Variants in CFAP74 observed in about 807,000 individuals in gnomAD.
The protein encoded by CFAP74 is cilia and flagella associated protein 74, also known as cilia- and flagella-associated protein 74.
A neutral mutation model predicts 188.9 loss-of-function variants in CFAP74; 124 were observed. The observed-to-expected ratio is 0.66, with a 90% CI of 0.57 to 0.76. CFAP74 has a LOEUF of 0.76. CFAP74 is among the 30% of genes least tolerant of loss of function. The pLI, the probability that CFAP74 is intolerant of heterozygous loss-of-function variation, is 0.00. For synonymous variants in CFAP74, 956 were observed against 916.7 expected (o/e 1.04, Z -0.77); for missense variants, 2,198 against 2,165.2 (o/e 1.02, Z -0.30).
At chr1:1,972,900 T>C (rs370906242) in intron 8 of CFAP74, 37 bp downstream of exon 8, 1,280 of 1,315,022 alleles carry the variant, frequency 9.7e-4, no homozygotes, top group Non-Finnish European at 1.3e-3. Context: ...CCCGTATTCT[T>C]GGGTTTCTCC....
intron 18 of CFAP74, among the ~76,000 whole-genome samples, chr1:1,953,105 G>C (rs933681338): frequency 6.6e-6 from 1 of 152,074 alleles, no homozygotes; most frequent in Non-Finnish European, 1.5e-5. Flanking sequence ...ACTATCCTGA[G>C]GCCCTAATGC....
Position 2,000,895 on chromosome 1 carries a change from T to C in CFAP74, c.-20+2806A>G, listed in dbSNP as rs1658173081. Among the ~76,000 whole-genome samples, 11 of 152,256 alleles carry C rather than the reference T, an allele frequency of 7.2e-5. No homozygotes were observed. In the South Asian group the frequency reaches 2.3e-3, roughly 32 times the overall value. On this transcript the variant is annotated intron_variant, in intron 1 of 38. Transcript: ENST00000682832. The stretch of plus-strand genomic sequence containing the variant: ...CGGTGCCACTGTGTGGATGAATCTC[T>C]CGCACAACCCCGAGGAGAAAAAGAC...
chr1:1,991,961 A>G (rs571140505), intron 1 of CFAP74, among the ~76,000 whole-genome samples: 1 of 150,578 alleles, frequency 6.6e-6, no homozygotes, highest in East Asian at 2.0e-4. Context: ...AATGGTGTGA[A>G]CCCAGGAGGC....
intron 1 of CFAP74, among the ~76,000 whole-genome samples, chr1:1,992,342 T>C (rs372025910): frequency 7.2e-5 from 11 of 152,238 alleles, no homozygotes; most frequent in African/African-American, 2.4e-4. Context: ...TTTCAAATTA[T>C]TGGTTGAGAT....
intron 13 of CFAP74, 114 bp from the exon 14 acceptor site, chr1:1,963,981 G>T: frequency 1.4e-6 from 1 of 728,342 alleles, no homozygotes. Flanking sequence ...ACTAGGGAGA[G>T]GTTCCCAGGG....
At position 1,972,933 on chromosome 1, in the gene CFAP74, C is replaced by T. The variant is rs1656192179; in HGVS notation, c.785+4G>A. The T allele has an allele frequency of 6.2e-7, 1 of 1,606,906 alleles. No individual in the cohort carries two copies. Among genetic ancestry groups the T allele is most frequent in the South Asian group, 1.1e-5 (1 of 90,872 alleles). On this transcript the variant is annotated splice_donor_region_variant and intron_variant, in intron 8 of 38. Coordinates refer to ENST00000682832, the MANE Select transcript of CFAP74 (RefSeq NM_001304360.2). ...TCCTTAAGGACGTCGAAGGGAGGCC[C>T]TACCTTCCCAGGGAGGCCTTCAGGA...
At chr1:1,934,755 T>C (rs1389401019) in intron 25 of CFAP74, among the ~76,000 whole-genome samples, 31 of 136,764 alleles carry the variant, frequency 2.3e-4, no homozygotes, top group African/African-American at 6.2e-4. Context: ...GGGTGTTAGG[T>C]TGTAGGTACA....
chr1:1,968,915 C>A lies in CFAP74; in HGVS notation c.1047-82G>T. On this transcript the variant is annotated intron_variant, in intron 10 of 38. Transcript: ENST00000682832. This position sits in a 1 kb window ranked among gnomAD's most constrained non-coding sequence, Gnocchi z 4.3. Reference sequence around the variant, plus strand: ...CAGATGAGACAGTGCCCGGCGGCCCCTCCCTAGCGCCCTCCTGGGGGCTCC... The same window carrying A: ...CAGATGAGACAGTGCCCGGCGGCCCATCCCTAGCGCCCTCCTGGGGGCTCC... 1 of 1,315,398 alleles carries A rather than the reference C, an allele frequency of 7.6e-7. No homozygotes were observed. Among genetic ancestry groups the A allele is most frequent in the Non-Finnish European group, 1.1e-6 (1 of 938,144 alleles). The allele number at this position is 1,315,398 out of a possible 1,614,324, so 81.5% of individuals were successfully genotyped here.
rs573614052 is a variant in CFAP74, at chr1:1,946,019, T to C, written c.2364+298A>G. On this transcript the variant is annotated intron_variant, in intron 20 of 38. Coordinates refer to ENST00000682832, the MANE Select transcript of CFAP74 (RefSeq NM_001304360.2). ...GTGCATGTGTGCGGGACTGCGTGTGTGCGTGTGTACGTGTGTGTGGGCTCT... is the reference window on the plus strand; with the variant it reads ...GTGCATGTGTGCGGGACTGCGTGTGCGCGTGTGTACGTGTGTGTGGGCTCT... Among the ~76,000 whole-genome samples the C allele has an allele frequency of 8.8e-4, 134 of 151,452 alleles. No homozygotes were observed. The Middle Eastern group carries it at 0.014, about 15-fold the overall frequency.
At position 1,939,700 on chromosome 1, in the gene CFAP74, T is replaced by C. The variant is rs1224496528; in HGVS notation, c.2771A>G (p.Glu924Gly). 1 of 1,535,910 alleles carries C rather than the reference T, an allele frequency of 6.5e-7. No homozygotes were observed. The highest frequency in any genetic ancestry group is 1.4e-5 in the African/African-American group (1 of 73,000). Residue 924 changes from glutamate to glycine, a missense_variant, in exon 24 of 39, where the codon GAG becomes GGG. Physicochemically the swap from Glu to Gly is moderately conservative, Grantham distance 98 (BLOSUM62 -2). Transcript: ENST00000682832. ...GATGGTGCAGTAGCCAAAATCCACC[T>C]CCGAGGGACTGAGCTCCAGGTCCGA... The part of the protein sequence containing the change: ...TTSDLELSPS[E>G]VDFGYCTIYE...
intron 18 of CFAP74, chr1:1,954,936 C>T (rs1019672192): frequency 8.4e-6 from 10 of 1,195,616 alleles, no homozygotes; most frequent in Non-Finnish European, 9.5e-6. Flanking sequence ...ACCACGAACG[C>T]TCCCAAGTGT....
intron 4 of CFAP74, 47 bp downstream of exon 4, chr1:1,988,464 TG>T (rs763168238): frequency 6.2e-7 from 1 of 1,601,650 alleles, no homozygotes; most frequent in South Asian, 1.1e-5. Flanking sequence ...TGTCACGGCC[TG>T]GGGGGCATCA....
At position 1,994,579 on chromosome 1, in the gene CFAP74, AAT is replaced by A. The variant is rs567719572; in HGVS notation, c.-19-3606_-19-3605del. Among the ~76,000 whole-genome samples, 82 of 152,364 alleles carry A rather than the reference AAT, an allele frequency of 5.4e-4. 1 individual carries two copies. The South Asian group carries it at 6.8e-3, about 13-fold the overall frequency. On this transcript the variant is annotated intron_variant, in intron 1 of 38. Coordinates refer to ENST00000682832, the MANE Select transcript of CFAP74 (RefSeq NM_001304360.2). ...GAACTGATTAAGCTGCTAGTCTTTG[AAT>A]GGCAGGATTTTCAGAAACTATTTAG...
At chr1:1,996,430 G>A (rs558804885) in intron 1 of CFAP74, among the ~76,000 whole-genome samples, 3 of 152,346 alleles carry the variant, frequency 2.0e-5, no homozygotes, top group Middle Eastern at 6.8e-3. Context: ...AGGAACGGCA[G>A]TGGGGACACA....
chr1:1,985,784 G>A (rs752590320), intron 5 of CFAP74, among the ~76,000 whole-genome samples: 19 of 152,354 alleles, frequency 1.2e-4, no homozygotes, highest in Non-Finnish European at 7.4e-5. Context: ...CCAGGCCTGT[G>A]ACCCGGGAAG....
intron 11 of CFAP74, among the ~76,000 whole-genome samples, chr1:1,967,961 G>GTGAA (rs55954278): frequency 0.72 from 108,531 of 151,484 alleles, 39,260 homozygotes; most frequent in Non-Finnish European, 0.77. Flanking sequence ...CAGTGAGTGA[G>GTGAA]TGAATGAGTG....
rs922585047 is a variant in CFAP74 at position 1,973,206 on chromosome 1, G to A, written c.675-159C>T. On this transcript the variant is annotated intron_variant, in intron 7 of 38. Coordinates refer to ENST00000682832, the MANE Select transcript of CFAP74 (RefSeq NM_001304360.2). This position sits in a 1 kb window ranked among gnomAD's most constrained non-coding sequence, Gnocchi z 6.2. ...CCTTGGGGAGGAGCGAGGGTCCCTGGAGAGCTGATGCCGTGGGCCACACAG... is the reference window on the plus strand; with the variant it reads ...CCTTGGGGAGGAGCGAGGGTCCCTGAAGAGCTGATGCCGTGGGCCACACAG... Among the ~76,000 whole-genome samples the A allele has an allele frequency of 8.5e-5, 13 of 152,226 alleles. No individual in the cohort carries two copies. Among genetic ancestry groups the A allele is most frequent in the African/African-American group, 2.7e-4 (11 of 41,462 alleles).
Position 1,927,646 on chromosome 1 carries a change from G to A in CFAP74, c.3488C>T (p.Pro1163Leu), listed in dbSNP as rs1365454199. ...CCGCTTCCGCATCTCCAGGACGTGG[G>A]GGACAGAGACTTTGAACAGCTTGTC... ...NRDKLFKVSVPHVLEMRKREL... is the reference protein window; with the variant it reads ...NRDKLFKVSVLHVLEMRKREL... Residue 1163 changes from proline (P) to leucine (L), a missense_variant, in exon 28 of 39, where the codon CCC becomes CTC. Physicochemically the swap from Pro to Leu is moderately conservative, Grantham distance 98. Transcript: ENST00000682832. 1.9e-6 allele frequency: 3 copies of A among 1,550,060 alleles called. No homozygotes were observed. The highest frequency in any genetic ancestry group is 1.7e-6 in the Non-Finnish European group (2 of 1,146,872).
intron 15 of CFAP74, 36 bp from the exon 16 acceptor site, chr1:1,959,245 C>T: frequency 7.2e-7 from 1 of 1,384,406 alleles, no homozygotes; most frequent in South Asian, 1.2e-5. Flanking sequence ...CAATACACTT[C>T]TGCAACTTTT....
Sources: gnomAD v4.1 joint callset for allele counts (sites outside exome capture counted in the v4.1 genomes callset) on GRCh38, gnomAD v4.1.1 for gene constraint, Gnocchi (gnomAD v3.1) non-coding constraint, MANE v1.5 for transcripts, NCBI Gene and HGNC (gene_info 2026-07-23, HGNC 2026-07-21) for gene names.